GABRG3: variants seen among roughly 807,000 people sequenced by gnomAD.
GABRG3 encodes gamma-aminobutyric acid receptor subunit gamma-3.
GABRG3 carries 25 observed loss-of-function variants against 48.8 expected under a neutral mutation model. The observed-to-expected ratio is 0.51, with a 90% CI of 0.37 to 0.72. The LOEUF (loss-of-function observed/expected upper bound fraction) is 0.72, where lower values mean the gene tolerates loss of function less well. Ranked by LOEUF, GABRG3 falls within the 30% of genes least tolerant of loss-of-function variation. GABRG3 has a pLI of 0.00. For synonymous variants in GABRG3, 227 were observed against 217.6 expected, an observed-to-expected ratio of 1.04 and a Z score of -0.38; for missense variants, 394 against 577.9, an observed-to-expected ratio of 0.68 and a Z score of 3.26.
At chr15:27,113,389 A>G (rs986852064) in intron 3 of GABRG3, among the ~76,000 whole-genome samples, 3 of 152,146 alleles carry the variant, frequency 2.0e-5, no homozygotes, top group Admixed American at 1.3e-4. Flanking sequence ...CTTGATAGCC[A>G]TGTATGTGAC....
At chr15:27,298,420 G>A (rs1236239450) in intron 3 of GABRG3, among the ~76,000 whole-genome samples, 1 of 152,094 alleles carries the variant, frequency 6.6e-6, no homozygotes, top group African/African-American at 2.4e-5. Flanking sequence ...GGAAAAGTGG[G>A]CTGGAGGGGA....
chr15:27,382,844 G>C (rs199848361), intron 5 of GABRG3, among the ~76,000 whole-genome samples: 1 of 152,132 alleles, frequency 6.6e-6, no homozygotes, highest in Non-Finnish European at 1.5e-5. Context: ...AGTTGGTTTC[G>C]GTGGAACGAT....
chr15:27,029,481 GCA>G lies in GABRG3; in HGVS notation c.270+2669_270+2670del, dbSNP rs535171234. Among the ~76,000 whole-genome samples, 237 of 151,928 alleles carry G rather than the reference GCA, an allele frequency of 1.6e-3. 1 individual carries two copies. The highest frequency in any genetic ancestry group is 2.1e-3 in the Non-Finnish European group (141 of 67,932). On this transcript the variant is annotated intron_variant, in intron 3 of 9. Coordinates refer to ENST00000615808, the MANE Select transcript of GABRG3 (RefSeq NM_033223.5). ...CGCATGCACACATGCACACACTCGT[GCA>G]CACACACAGGCACACACGTACGTGT... is the stretch of plus-strand genomic sequence containing the variant.
chr15:27,161,416 C>G (rs1887182868), intron 3 of GABRG3: 1 of 152,124 alleles, frequency 6.6e-6, no homozygotes, highest in East Asian at 1.9e-4. Flanking sequence ...AACAGCCAAC[C>G]AGTTTGTGCC....
At chr15:26,992,549 G>T (rs1475026317) in intron 2 of GABRG3, among the ~76,000 whole-genome samples, 1 of 152,090 alleles carries the variant, frequency 6.6e-6, no homozygotes, top group African/African-American at 2.4e-5. Flanking sequence ...AACCCTTCTT[G>T]CATTCCTGGA....
chr15:27,456,336 C>T (rs1277353835), intron 5 of GABRG3, among the ~76,000 whole-genome samples: 1 of 152,206 alleles, frequency 6.6e-6, no homozygotes, highest in Non-Finnish European at 1.5e-5. Flanking sequence ...GAGAGAATGT[C>T]TGTGAAAACA....
intron 6 of GABRG3, among the ~76,000 whole-genome samples, chr15:27,509,308 T>A (rs1890840981): frequency 6.6e-6 from 1 of 151,584 alleles, no homozygotes; most frequent in Non-Finnish European, 1.5e-5. Flanking sequence ...TAATATGATA[T>A]ATGTAGTTGG....
rs147817914 is a variant in GABRG3 at position 27,390,465 on chromosome 15, T to C, written c.574+61577T>C. Among the ~76,000 whole-genome samples the C allele has an allele frequency of 8.3e-4, 126 of 152,346 alleles. 1 individual carries two copies. The East Asian group carries it at 0.023, about 28-fold the overall frequency. ...AATACACAAGAACTTATCAGAATAT[T>C]ATTTAACAGCCTAGCACTCCTCAGT... On this transcript the variant is annotated intron_variant, in intron 5 of 9. Transcript: ENST00000615808.
intron 5 of GABRG3, among the ~76,000 whole-genome samples, chr15:27,452,136 CA>C (rs1444675459): frequency 6.6e-6 from 1 of 152,194 alleles, no homozygotes; most frequent in Non-Finnish European, 1.5e-5. Flanking sequence ...AAACAGTCAA[CA>C]TCACTAATTG....
chr15:27,306,698 A>G (rs1390275261), intron 3 of GABRG3, among the ~76,000 whole-genome samples: 1 of 127,206 alleles, frequency 7.9e-6, no homozygotes, highest in Non-Finnish European at 1.6e-5. Flanking sequence ...ACATGTTTAT[A>G]TATAAACATA....
chr15:27,030,788 G>C (rs1485719113), intron 3 of GABRG3, among the ~76,000 whole-genome samples: 2 of 152,074 alleles, frequency 1.3e-5, no homozygotes, highest in African/African-American at 4.8e-5. Context: ...CCAGTAAGTG[G>C]AAGCTTGTGG....
intron 3 of GABRG3, among the ~76,000 whole-genome samples, chr15:27,046,530 C>T (rs1595491938): frequency 6.6e-6 from 1 of 152,372 alleles, no homozygotes; most frequent in Non-Finnish European, 1.5e-5. Flanking sequence ...TGGTCATTCT[C>T]CTGTATCGTT....
rs369320157 is a variant in GABRG3, at chr15:27,440,322, C to T, written c.575-40328C>T. 2.6e-5 allele frequency among the ~76,000 whole-genome samples: 4 copies of T among 152,228 alleles called. No homozygotes were observed. In the East Asian group the frequency reaches 5.8e-4, roughly 22 times the overall value. On this transcript the variant is annotated intron_variant, in intron 5 of 9. Transcript: ENST00000615808. ...TAAAAAGCTCTACCTGCCTAGACAA[C>T]ATTTTTGTGACCCCTGCGATTCATG...
chr15:27,518,951 A>G (rs1184773358), intron 6 of GABRG3, among the ~76,000 whole-genome samples: 1 of 152,156 alleles, frequency 6.6e-6, no homozygotes, highest in East Asian at 1.9e-4. Flanking sequence ...CTTGGACTAG[A>G]TGGGGAAAGG....
chr15:27,256,675 C>A (rs1890632519), intron 3 of GABRG3, among the ~76,000 whole-genome samples: 1 of 152,074 alleles, frequency 6.6e-6, no homozygotes, highest in Non-Finnish European at 1.5e-5. Context: ...TCTTCTTTAA[C>A]CCCAGGTTAG....
intron 3 of GABRG3, chr15:27,294,727 G>A (rs1891920490): frequency 6.6e-6 from 1 of 152,088 alleles, no homozygotes. Flanking sequence ...ACGCCCTCAG[G>A]TCATTCTGAG....
chr15:27,024,438 C>T (rs574340949), intron 2 of GABRG3, among the ~76,000 whole-genome samples: 8 of 152,122 alleles, frequency 5.3e-5, no homozygotes, highest in Non-Finnish European at 1.0e-4. Context: ...AGTTTTAGGC[C>T]TTACAGTTAG....
At chr15:27,070,234 C>T (rs572834090) in intron 3 of GABRG3, among the ~76,000 whole-genome samples, 6 of 152,274 alleles carry the variant, frequency 3.9e-5, no homozygotes, top group Non-Finnish European at 5.9e-5. Context: ...TCTTCAGTGC[C>T]GTATACAAAG....
intron 5 of GABRG3, among the ~76,000 whole-genome samples, chr15:27,358,099 G>T (rs1330442609): frequency 2.0e-5 from 3 of 152,160 alleles, no homozygotes; most frequent in Non-Finnish European, 4.4e-5. Context: ...GACTCATGAA[G>T]GTGGATACGA....
Sources: allele counts gnomAD v4.1 joint callset (sites outside exome capture counted in the v4.1 genomes callset), GRCh38; gene constraint gnomAD v4.1.1; transcripts MANE v1.5; gene names NCBI Gene and HGNC (gene_info 2026-07-23, HGNC 2026-07-21).